The following RBM24 variants were observed in gnomAD, a reference collection of about 807,000 sequenced individuals.
RBM24 encodes RNA binding motif protein 24.
RBM24 carries 5 observed loss-of-function variants against 23.6 expected under a neutral mutation model. The observed-to-expected ratio is 0.21, with a 90% CI of 0.11 to 0.45. The LOEUF is 0.45. Ranked by LOEUF, RBM24 falls within the 20% of genes least tolerant of loss-of-function variation. The probability of loss-of-function intolerance (pLI) is 0.99; values close to 1 mark genes in which losing one functional copy is unlikely to be tolerated. For missense variants in RBM24, 252 were observed against 314.6 expected, an observed-to-expected ratio of 0.80 and a Z score of 1.51; for synonymous variants, 151 against 129.5, an observed-to-expected ratio of 1.17 and a Z score of -1.13.
intron 3 of RBM24, among the ~76,000 whole-genome samples, chr6:17,291,261 C>T (rs780856072): frequency 5.9e-5 from 9 of 152,092 alleles, no homozygotes; most frequent in African/African-American, 1.2e-4. Flanking sequence ...ATTTTGTTAA[C>T]GTTTATGTTA....
chr6:17,287,077 T>G (rs1027321365), intron 3 of RBM24, among the ~76,000 whole-genome samples: 1 of 152,246 alleles, frequency 6.6e-6, no homozygotes, highest in African/African-American at 2.4e-5. Context: ...TTGAGATTCT[T>G]ATTAGAAATA....
At chr6:17,289,013 A>G in intron 3 of RBM24, 1 of 985,452 alleles carries the variant, frequency 1.0e-6, no homozygotes, top group Non-Finnish European at 1.2e-6. Flanking sequence ...TAAAAGTCAC[A>G]TAGAGATGTC....
At chr6:17,282,723 A>T in intron 1 of RBM24, 82 bp from the exon 2 acceptor site, 1 of 1,569,234 alleles carries the variant, frequency 6.4e-7, no homozygotes, top group Non-Finnish European at 8.7e-7. Flanking sequence ...ATCATGAATG[A>T]CTTCTCCATT....
chr6:17,289,475 C>G, intron 3 of RBM24: 1 of 985,434 alleles, frequency 1.0e-6, no homozygotes, highest in Non-Finnish European at 1.2e-6. Flanking sequence ...GAAATCAAAA[C>G]TATTTCCTAA....
At chr6:17,285,470 A>C (rs1423990719) in intron 3 of RBM24, among the ~76,000 whole-genome samples, 4 of 151,430 alleles carry the variant, frequency 2.6e-5, no homozygotes, top group African/African-American at 9.7e-5. Context: ...CCATTTAACC[A>C]CATTTTTGTA....
chr6:17,289,089 G>T (rs772339789), intron 3 of RBM24: 1 of 985,342 alleles, frequency 1.0e-6, no homozygotes, highest in African/African-American at 1.7e-5. Flanking sequence ...ATTACCAAAA[G>T]TGTCTTCTTT....
chr6:17,283,807 CA>C (rs1760110384), intron 2 of RBM24, among the ~76,000 whole-genome samples: 2 of 152,164 alleles, frequency 1.3e-5, no homozygotes, highest in Non-Finnish European at 2.9e-5. Context: ...ATGCTACAGA[CA>C]AAGAAACTGA....
chr6:17,290,918 T>C (rs1370803286), intron 3 of RBM24: 5 of 1,268,288 alleles, frequency 3.9e-6, no homozygotes, highest in Admixed American at 2.3e-5. Flanking sequence ...TGTGTCCTTA[T>C]GAATTTTATG....
Position 17,292,038 on chromosome 6 carries a change from CGCCGCCGCTGCAGCAGCT to C in RBM24, c.633_650del (p.Ala216_Ala221del). On this transcript the variant is annotated inframe_deletion, in exon 4 of 4. Transcript: ENST00000379052. ...CCGCAGCGGCACCTGGGACAGCTGC[CGCCGCCGCTGCAGCAGCT>C]GCTGCCGCTGCAGCATTTGGCCAGT... 1 of 1,596,568 alleles carries C rather than the reference CGCCGCCGCTGCAGCAGCT, an allele frequency of 6.3e-7. No individual in the cohort carries two copies. Among genetic ancestry groups the C allele is most frequent in the Non-Finnish European group, 8.5e-7 (1 of 1,175,500 alleles).
At chr6:17,291,048 C>CTGCA (rs1409816995) in intron 3 of RBM24, among the ~76,000 whole-genome samples, 2 of 152,190 alleles carry the variant, frequency 1.3e-5, no homozygotes, top group African/African-American at 4.8e-5. Context: ...ACAGAGTGAG[C>CTGCA]TGCACTACAG....
rs1485013782 is a variant in RBM24 at position 17,291,971 on chromosome 6, T to C, written c.563T>C (p.Val188Ala). The C allele has an allele frequency of 1.9e-6, 3 of 1,611,074 alleles. No individual in the cohort carries two copies. Among genetic ancestry groups the C allele is most frequent in the African/African-American group, 1.3e-5 (1 of 74,752 alleles). ...GCCTCTCCAGCTGCTGCAGGATATG[T>C]TACTGCTGGGGGCTATGGCTACGCA... ...YAASPAAAGYVTAGGYGYAVQ... is the reference protein window; with the variant it reads ...YAASPAAAGYATAGGYGYAVQ... The change falls in exon 4 of 4, where the codon GTT becomes GCT. Residue 188 changes from valine to alanine, a missense_variant. Transcript: ENST00000379052.
chr6:17,289,851 G>GTC, intron 3 of RBM24: 2 of 1,166,914 alleles, frequency 1.7e-6, no homozygotes, highest in Non-Finnish European at 2.1e-6. Flanking sequence ...TCTTAGCCGT[G>GTC]TCTACACGTT....
Position 17,292,837 on chromosome 6 carries a change from C to T in RBM24, c.*718C>T, listed in dbSNP as rs1481769468. 6.6e-6 allele frequency: 1 copy of T among 152,634 alleles called. No individual in the cohort carries two copies. Among genetic ancestry groups the T allele is most frequent in the East Asian group, 1.9e-4 (1 of 5,200 alleles). The allele number at this position is 152,634 out of a possible 1,614,324, so 9.5% of individuals were successfully genotyped here. A position where few individuals can be genotyped will look rare whatever the true frequency, so the allele number is the denominator to read the frequency against. On this transcript the variant is annotated 3_prime_UTR_variant, in exon 4 of 4. Coordinates refer to ENST00000379052, the MANE Select transcript of RBM24 (RefSeq NM_001143942.2). Reference sequence around the variant, plus strand: ...ACACACAGTTCTGGAAAGAACACATCACTTGTGCTTGTTTGATGAGCTTGT... The same window carrying T: ...ACACACAGTTCTGGAAAGAACACATTACTTGTGCTTGTTTGATGAGCTTGT...
rs1248033319 is a variant in RBM24, at chr6:17,282,851, C to A, written c.215C>A (p.Pro72His). 7.4e-6 allele frequency: 12 copies of A among 1,614,036 alleles called. No individual in the cohort carries two copies. The highest frequency in any genetic ancestry group is 1.0e-5 in the Non-Finnish European group (12 of 1,180,020). The change falls in exon 2 of 4, where the codon CCC becomes CAC. Residue 72 changes from proline to histidine, a missense_variant. Coordinates refer to ENST00000379052, the MANE Select transcript of RBM24 (RefSeq NM_001143942.2). ...RAAAERACKDPNPIIDGRKAN... is the reference protein window; with the variant it reads ...RAAAERACKDHNPIIDGRKAN... ...GCTGCCGAAAGGGCCTGCAAGGATCCCAATCCCATCATTGATGGCAGAAAG... is the reference window on the plus strand; with the variant it reads ...GCTGCCGAAAGGGCCTGCAAGGATCACAATCCCATCATTGATGGCAGAAAG...
intron 3 of RBM24, chr6:17,288,416 G>T: frequency 2.0e-6 from 2 of 985,044 alleles, no homozygotes; most frequent in South Asian, 9.4e-5. Context: ...CTCTTTTATT[G>T]AGTGCCTACT....
intron 1 of RBM24, chr6:17,282,171 G>A (rs1760040277): frequency 7.9e-7 from 1 of 1,273,036 alleles, no homozygotes; most frequent in Admixed American, 2.4e-5. Context: ...ACCCCACGAG[G>A]TCTGGGGCTG....
chr6:17,286,276 TC>T (rs1760195522), intron 3 of RBM24, among the ~76,000 whole-genome samples: 1 of 148,246 alleles, frequency 6.7e-6, no homozygotes, highest in Non-Finnish European at 1.5e-5. Context: ...ACTTAGCAAA[TC>T]CCCATCCAAG....
rs1760378067 is a variant in RBM24 at position 17,292,004 on chromosome 6, A to C, written c.596A>C (p.Gln199Pro). 1 of 1,606,974 alleles carries C rather than the reference A, an allele frequency of 6.2e-7. No homozygotes were observed. Among genetic ancestry groups the C allele is most frequent in the East Asian group, 2.2e-5 (1 of 44,836 alleles). ...TAGGYGYAVQ[Q>P]PITAAAPGTA... ...GGGGGCTATGGCTACGCAGTCCAGC[A>C]GCCAATCACCGCAGCGGCACCTGGG... The change falls in exon 4 of 4, where the codon CAG (glutamine) becomes CCG (proline). Residue 199 changes from glutamine (Q) to proline (P), a missense_variant. Physicochemically the swap from Gln to Pro is moderately conservative, Grantham distance 76. Coordinates refer to ENST00000379052, the MANE Select transcript of RBM24 (RefSeq NM_001143942.2).
At chr6:17,288,409 T>C (rs541069592) in intron 3 of RBM24, 6 of 985,176 alleles carry the variant, frequency 6.1e-6, no homozygotes, top group South Asian at 9.4e-5. Context: ...TAGGGAACTC[T>C]TTTATTGAGT....
Sources: allele counts gnomAD v4.1 joint callset (sites outside exome capture counted in the v4.1 genomes callset), GRCh38; gene constraint gnomAD v4.1.1; transcripts MANE v1.5; gene names NCBI Gene and HGNC (gene_info 2026-07-23, HGNC 2026-07-21).